The following ARVCF variants were observed in gnomAD, a reference collection of about 807,000 sequenced individuals.
The protein encoded by ARVCF is ARVCF delta catenin family member, also known as splicing regulator ARVCF.
ARVCF carries 66 observed loss-of-function variants against 90.9 expected under a neutral mutation model. The ratio of observed to expected loss-of-function variants is 0.73; its 90% CI spans 0.60 to 0.89. ARVCF has a LOEUF of 0.89. Among genes scored for constraint, ARVCF ranks in the 40% least tolerant of loss-of-function variants. The probability of loss-of-function intolerance (pLI) is 0.00; values close to 1 mark genes in which losing one functional copy is unlikely to be tolerated. For missense variants in ARVCF, 1,469 were observed against 1,382.3 expected, an observed-to-expected ratio of 1.06 and a Z score of -1.00; for synonymous variants, 653 against 603.4, an observed-to-expected ratio of 1.08 and a Z score of -1.21.
intron 3 of ARVCF, chr22:19,986,820 GACCCC>G (rs1943796099): frequency 2.4e-6 from 1 of 416,758 alleles, no homozygotes; most frequent in East Asian, 3.8e-5. Context: ...CAGGGGTCCC[GACCCC>G]CCCAGGCCCC....
Position 19,979,076 on chromosome 22 carries a change from G to A in ARVCF, c.1401C>T (p.Thr467=). The A allele has an allele frequency of 6.2e-7, 1 of 1,611,478 alleles. No homozygotes were observed. The highest frequency in any genetic ancestry group is 8.5e-7 in the Non-Finnish European group (1 of 1,178,548). The change falls in exon 7 of 20, where the codon ACC becomes ACT. Residue 467 remains threonine, a synonymous_variant. Transcript: ENST00000263207. Reference sequence around the variant, plus strand: ...GCTCATAGGATGACAGGTTCCACAGGGTGCCTGTGGGGTGCGATTGGCCAA... The same window carrying A: ...GCTCATAGGATGACAGGTTCCACAGAGTGCCTGTGGGGTGCGATTGGCCAA... ...DNEVRELVTG[T]LWNLSSYEPL...
chr22:19,981,287 C>T lies in ARVCF; in HGVS notation c.820G>A (p.Gly274Ser), dbSNP rs1054586042. The change falls in exon 5 of 20, where the codon GGT (glycine) becomes AGT (serine). Residue 274 changes from glycine to serine, a missense_variant. Coordinates refer to ENST00000263207, the MANE Select transcript of ARVCF (RefSeq NM_001670.3). The part of the protein sequence containing the change: ...DTRSLAADDE[G>S]GPELEPDYGT... ...TAGTCAGGCTCCAGCTCAGGGCCAC[C>T]CTCGTCATCAGCGGCCAGGCTGCGC... 5.1e-6 allele frequency: 8 copies of T among 1,583,678 alleles called. No individual in the cohort carries two copies. Among genetic ancestry groups the T allele is most frequent in the Non-Finnish European group, 6.9e-6 (8 of 1,166,620 alleles).
chr22:20,001,028 G>A (rs918576135), intron 2 of ARVCF, among the ~76,000 whole-genome samples: 1 of 152,106 alleles, frequency 6.6e-6, no homozygotes, highest in Non-Finnish European at 1.5e-5. Context: ...ACAGGCACAC[G>A]CACCAGCAGG....
At chr22:20,012,427 G>C (rs1944869873) in intron 1 of ARVCF, among the ~76,000 whole-genome samples, 1 of 152,206 alleles carries the variant, frequency 6.6e-6, no homozygotes, top group Non-Finnish European at 1.5e-5. Context: ...ACGGACAGAG[G>C]GACGACAGAC....
downstream of ARVCF, chr22:19,968,762 C>T (rs748900622): frequency 3.1e-6 from 5 of 1,596,958 alleles, no homozygotes; most frequent in South Asian, 2.2e-5. Flanking sequence ...CCCTCTCGGG[C>T]TCTCTCACCC....
In ARVCF at chr22:19,973,810, A is replaced by G. The variant is rs769972922; in HGVS notation, c.2089-17T>C. The G allele has an allele frequency of 1.3e-6, 2 of 1,594,544 alleles. No individual in the cohort carries two copies. Among genetic ancestry groups the G allele is most frequent in the South Asian group, 1.1e-5 (1 of 90,568 alleles). On this transcript the variant is annotated splice_polypyrimidine_tract_variant and intron_variant, in intron 12 of 19. Coordinates refer to ENST00000263207, the MANE Select transcript of ARVCF (RefSeq NM_001670.3). The stretch of plus-strand genomic sequence containing the variant: ...CGTGGCCCACTGCGGAGGCGGGGAG[A>G]GGGTTGCTCAGACATACATGCCAGG...
chr22:19,996,004 C>A (rs906185026), intron 2 of ARVCF, among the ~76,000 whole-genome samples: 1 of 152,312 alleles, frequency 6.6e-6, no homozygotes, highest in Middle Eastern at 3.4e-3. Context: ...CTTGTGGGGG[C>A]CCCATGTTTA....
At chr22:19,974,345 G>A (rs1368857629) in intron 11 of ARVCF, 106 bp from the exon 12 acceptor site, 5 of 1,374,886 alleles carry the variant, frequency 3.6e-6, no homozygotes, top group Non-Finnish European at 4.8e-6. Flanking sequence ...GTGAGCTGGG[G>A]CCAGGGATGG....
In ARVCF at chr22:19,970,575, G is replaced by T. The variant is rs1942698491; in HGVS notation, c.*181C>A. ...CAGGCCTAGGGAGTTAGGTAGGATG[G>T]GGGGAGTGGGGTGGGGGGGCAGGAG... On this transcript the variant is annotated 3_prime_UTR_variant, in exon 20 of 20. Transcript: ENST00000263207. 1 of 1,228,866 alleles carries T rather than the reference G, an allele frequency of 8.1e-7. No homozygotes were observed. The highest frequency in any genetic ancestry group is 1.4e-5 in the South Asian group (1 of 70,184). 76.1% of individuals were successfully genotyped at this position (1,228,866 alleles called of 1,614,324 possible).
chr22:20,003,655 C>A (rs542721775), intron 2 of ARVCF, among the ~76,000 whole-genome samples: 37 of 152,234 alleles, frequency 2.4e-4, no homozygotes, highest in African/African-American at 8.9e-4. Flanking sequence ...GCAGGAAAAA[C>A]ATTTAACAAA....
At chr22:20,004,802 G>C (rs1435422268) in intron 2 of ARVCF, among the ~76,000 whole-genome samples, 1 of 152,026 alleles carries the variant, frequency 6.6e-6, no homozygotes, top group Non-Finnish European at 1.5e-5. Context: ...GGGAAATGAT[G>C]GTATTTTCAA....
At chr22:19,974,716 C>T (rs571813233) in intron 11 of ARVCF, among the ~76,000 whole-genome samples, 1 of 152,020 alleles carries the variant, frequency 6.6e-6, no homozygotes, top group South Asian at 2.1e-4. Flanking sequence ...CAGAGAGCTA[C>T]GCCCCCTAGC....
intron 1 of ARVCF, among the ~76,000 whole-genome samples, chr22:20,016,383 A>G (rs559562519): frequency 2.6e-5 from 4 of 151,564 alleles, no homozygotes; most frequent in African/African-American, 9.7e-5. Flanking sequence ...CGGACGCCGC[A>G]GAGCGCGCGG....
chr22:19,973,976 C>T, intron 12 of ARVCF, 136 bp downstream of exon 12: 1 of 1,487,774 alleles, frequency 6.7e-7, no homozygotes, highest in Non-Finnish European at 9.0e-7. Context: ...TTGCCCGCAG[C>T]CCATACACCT....
chr22:20,005,794 TAAAA>T (rs80188534), intron 2 of ARVCF, among the ~76,000 whole-genome samples: 3 of 115,590 alleles, frequency 2.6e-5, no homozygotes, highest in Admixed American at 9.2e-5. Flanking sequence ...AGACTCCGTC[TAAAA>T]AAAAAAAAAA....
Position 19,973,126 on chromosome 22 carries a change from C to G in ARVCF, c.2431G>C (p.Ala811Pro). Residue 811 changes from alanine to proline, a missense_variant, in exon 14 of 20, where the codon GCC becomes CCC. Coordinates refer to ENST00000263207, the MANE Select transcript of ARVCF (RefSeq NM_001670.3). ...RGVPALVALV[A>P]SSQSVREAKA... ...GACCCCGCCCCTCCACACCTGGAGG[C>G]CACGAGAGCCACCAACGCTGGCACC... The G allele has an allele frequency of 6.4e-7, 1 of 1,565,112 alleles. No homozygotes were observed. Among genetic ancestry groups the G allele is most frequent in the South Asian group, 1.1e-5 (1 of 89,780 alleles).
intron 1 of ARVCF, among the ~76,000 whole-genome samples, chr22:20,015,762 G>GGCA (rs1356220180): frequency 6.6e-6 from 1 of 152,158 alleles, no homozygotes; most frequent in Non-Finnish European, 1.5e-5. Flanking sequence ...ATACCCACGG[G>GGCA]GCACCTTTCT....
intron 2 of ARVCF, among the ~76,000 whole-genome samples, chr22:20,002,310 G>C (rs1178712105): frequency 6.6e-6 from 1 of 152,186 alleles, no homozygotes; most frequent in Non-Finnish European, 1.5e-5. Flanking sequence ...CTGTGCTGAA[G>C]CCTGGGCCTC....
At chr22:19,974,366 G>C in intron 11 of ARVCF, 127 bp from the exon 12 acceptor site, 1 of 1,176,302 alleles carries the variant, frequency 8.5e-7, no homozygotes, top group Non-Finnish European at 1.1e-6. Context: ...GTGTGGATGA[G>C]TCACGTAATA....
Sources: allele counts gnomAD v4.1 joint callset (sites outside exome capture counted in the v4.1 genomes callset), GRCh38; gene constraint gnomAD v4.1.1; transcripts MANE v1.5; gene names NCBI Gene and HGNC (gene_info 2026-07-23, HGNC 2026-07-21).